Variants in MAGT1 observed in about 807,000 individuals in gnomAD.
MAGT1 encodes the protein magnesium transporter 1.
A neutral mutation model predicts 28.4 loss-of-function variants in MAGT1; 4 were observed. The ratio of observed to expected loss-of-function variants is 0.14; its 90% confidence interval spans 0.07 to 0.32. MAGT1 has a LOEUF of 0.32. Among genes scored for constraint, MAGT1 ranks in the 10% least tolerant of loss-of-function variants. The probability of loss-of-function intolerance (pLI) is 1.00; values close to 1 mark genes in which losing one functional copy is unlikely to be tolerated. For missense variants in MAGT1, 193 were observed against 264.5 expected, an observed-to-expected ratio of 0.73 and a Z score of 1.88; for synonymous variants, 89 against 89.7, an observed-to-expected ratio of 0.99 and a Z score of 0.04.
At chrX:77,842,645 G>T (rs2076938317) in intron 7 of MAGT1, among the ~76,000 whole-genome samples, 1 of 110,295 alleles carries the variant, frequency 9.1e-6, no homozygotes, top group South Asian at 3.8e-4. Flanking sequence ...TGGCCAACAT[G>T]GCAAAAACCC....
At chrX:77,861,793 C>A (rs1157205685) in intron 3 of MAGT1, among the ~76,000 whole-genome samples, 2 of 111,743 alleles carry the variant, frequency 1.8e-5, no homozygotes, top group Non-Finnish European at 3.8e-5. Flanking sequence ...GTGAAATAAG[C>A]CAGTCACAAG....
intron 7 of MAGT1, among the ~76,000 whole-genome samples, chrX:77,841,971 T>C (rs963405231): frequency 1.9e-4 from 20 of 106,857 alleles, no homozygotes; most frequent in African/African-American, 6.8e-4. Context: ...ATTATAGGTG[T>C]GAATGACCAC....
intron 1 of MAGT1, among the ~76,000 whole-genome samples, chrX:77,894,418 T>C (rs376165910): frequency 8.9e-6 from 1 of 112,365 alleles, no homozygotes; most frequent in Admixed American, 9.5e-5. Context: ...GCTTAACTGG[T>C]ATTTTTAGAG....
chrX:77,839,166 T>TGGTGGCG (rs1242327669), intron 8 of MAGT1, among the ~76,000 whole-genome samples: 4 of 105,721 alleles, frequency 3.8e-5, no homozygotes, highest in Non-Finnish European at 7.8e-5. Flanking sequence ...TAGCCAGGCA[T>TGGTGGCG]GGTGGCGGGT....
intron 5 of MAGT1, among the ~76,000 whole-genome samples, chrX:77,855,834 G>A (rs952475042): frequency 2.8e-5 from 3 of 108,722 alleles, no homozygotes; most frequent in Admixed American, 1.0e-4. Flanking sequence ...GTAGTGGCGC[G>A]ATCTCGGCTC....
intron 1 of MAGT1, among the ~76,000 whole-genome samples, chrX:77,884,899 C>T (rs979382732): frequency 5.6e-5 from 6 of 107,672 alleles, no homozygotes; most frequent in East Asian, 5.9e-4. Flanking sequence ...GGTGAAACCC[C>T]GTCTCTACTA....
chrX:77,870,342 A>C (rs1321772107), intron 3 of MAGT1, among the ~76,000 whole-genome samples: 2 of 110,631 alleles, frequency 1.8e-5, no homozygotes, highest in African/African-American at 3.3e-5. Context: ...AAATCCAGAA[A>C]TCACCACTAA....
In MAGT1 at chrX:77,855,507, T is replaced by G; in HGVS notation, c.756A>C (p.Gly252=). The G allele has an allele frequency of 8.4e-7, 1 of 1,195,719 alleles. No individual in the cohort carries two copies. The highest frequency in any genetic ancestry group is 1.1e-6 in the Non-Finnish European group (1 of 881,338). ...AATCCCAGACTTCCCTTACCACATG[T>G]CCCGTGTGGGGATTCTTATGGGCAT... ...PPYAHKNPHT[G]HVNYIHGSSQ... Residue 252 remains glycine (G), a synonymous_variant, in exon 6 of 10, where the codon GGA becomes GGC. Coordinates refer to ENST00000618282, the MANE Select transcript of MAGT1 (RefSeq NM_001367916.1).
intron 9 of MAGT1, among the ~76,000 whole-genome samples, chrX:77,829,765 T>C (rs1569547759): frequency 9.0e-5 from 10 of 110,960 alleles, no homozygotes. Flanking sequence ...CTCTATTTCT[T>C]AAAAAAAAGT....
At chrX:77,863,185 T>C (rs1280515732) in intron 3 of MAGT1, among the ~76,000 whole-genome samples, 1 of 108,019 alleles carries the variant, frequency 9.3e-6, no homozygotes, top group Non-Finnish European at 1.9e-5. Flanking sequence ...TCATACACTG[T>C]TGGTGGGAAA....
chrX:77,846,833 G>T (rs1383059391), intron 7 of MAGT1, among the ~76,000 whole-genome samples: 1 of 111,871 alleles, frequency 8.9e-6, no homozygotes, highest in Non-Finnish European at 1.9e-5. Flanking sequence ...TGAGGTGTCA[G>T]TCTGTCCCTA....
chrX:77,850,971 C>CTT (rs1309914869), intron 7 of MAGT1, among the ~76,000 whole-genome samples: 3 of 99,703 alleles, frequency 3.0e-5, no homozygotes, highest in Non-Finnish European at 6.2e-5. Context: ...CTTTTCTGTT[C>CTT]TTTTTTTTTT....
At chrX:77,850,484 AGGG>A (rs35120738) in intron 7 of MAGT1, among the ~76,000 whole-genome samples, 5 of 33,936 alleles carry the variant, frequency 1.5e-4, no homozygotes, top group African/African-American at 2.5e-4. Flanking sequence ...CAAAAAAAAA[AGGG>A]GGGGGGGGTG....
chrX:77,879,545 C>T (rs906604677), intron 1 of MAGT1, among the ~76,000 whole-genome samples: 5 of 111,746 alleles, frequency 4.5e-5, no homozygotes, highest in East Asian at 2.8e-4. Context: ...TTATATTTCC[C>T]GTTACCTATA....
chrX:77,855,934 C>T (rs1309174448), intron 5 of MAGT1, among the ~76,000 whole-genome samples: 1 of 109,554 alleles, frequency 9.1e-6, no homozygotes. Flanking sequence ...CCACGCCCAG[C>T]TAATTTTGTA....
At chrX:77,857,249 CA>C in intron 4 of MAGT1, 107 bp downstream of exon 4, 1 of 996,664 alleles carries the variant, frequency 1.0e-6, no homozygotes. Context: ...AAGTGACTGC[CA>C]AACTAGTACC....
chrX:77,853,789 G>C (rs1346272025), intron 7 of MAGT1, 112 bp downstream of exon 7: 5 of 619,299 alleles, frequency 8.1e-6, no homozygotes, highest in Non-Finnish European at 1.4e-5. Flanking sequence ...ATTTTCAAAG[G>C]ATATTGTGAC....
intron 1 of MAGT1, among the ~76,000 whole-genome samples, chrX:77,879,764 CACTT>C (rs782025014): frequency 2.2e-4 from 24 of 108,013 alleles, no homozygotes; most frequent in African/African-American, 6.7e-4. Context: ...CACACGTAAA[CACTT>C]ACATAGAAAC....
Position 77,841,301 on chromosome X carries a change from T to A in MAGT1, c.846A>T (p.Gly282=). ...TAGCAGCTTCACATAAAAGCACCAT[T>A]CCTAAGGTAACTCCACCATCTAAGA... The part of the protein sequence containing the change: ...VLLFNGGVTL[G]MVLLCEAATS... Residue 282 remains glycine (G), a synonymous_variant, in exon 8 of 10, where the codon GGA becomes GGT. Transcript: ENST00000618282. The A allele has an allele frequency of 8.3e-7, 1 of 1,201,465 alleles. No individual in the cohort carries two copies.
Sources: gnomAD v4.1 joint callset for allele counts (sites outside exome capture counted in the v4.1 genomes callset) on GRCh38, gnomAD v4.1.1 for gene constraint, MANE v1.5 for transcripts, NCBI Gene and HGNC (gene_info 2026-07-23, HGNC 2026-07-21) for gene names.